Variants in CRY2 observed in about 807,000 individuals in gnomAD.
CRY2 encodes cryptochrome-2.
Under a neutral mutation model 69.5 loss-of-function variants are expected in CRY2, and 31 were observed. The ratio of observed to expected loss-of-function variants is 0.45; its 90% CI spans 0.34 to 0.60. The LOEUF is 0.60. Ranked by LOEUF, CRY2 falls within the 20% of genes least tolerant of loss-of-function variation. CRY2 has a pLI of 0.02. For missense variants in CRY2, 606 were observed against 797.8 expected (o/e 0.76, Z 2.90); for synonymous variants, 303 against 312.2 (o/e 0.97, Z 0.31).
chr11:45,863,353 A>G (rs1399927568), intron 5 of CRY2, among the ~76,000 whole-genome samples: 2 of 152,078 alleles, frequency 1.3e-5, no homozygotes, highest in Admixed American at 1.3e-4. Flanking sequence ...GCTGGAGAAC[A>G]TTTTGTAGAA....
Position 45,882,564 on chromosome 11 carries a change from C to G in CRY2, c.*1653C>G, listed in dbSNP as rs906251783. 1.8e-5 allele frequency: 7 copies of G among 398,914 alleles called. No individual in the cohort carries two copies. The highest frequency in any genetic ancestry group is 2.7e-5 in the Non-Finnish European group (6 of 226,094). 24.7% of individuals were successfully genotyped at this position (398,914 alleles called of 1,614,324 possible). On this transcript the variant is annotated 3_prime_UTR_variant, in exon 12 of 12. Transcript: ENST00000616080. The stretch of plus-strand genomic sequence containing the variant: ...CAGGTTTTCTCAGCCAGAGAGCTGC[C>G]TTTAGAGTCCAACTGTTGTACGTAT...
At chr11:45,871,090 TAAC>T (rs1348814266) in intron 10 of CRY2, among the ~76,000 whole-genome samples, 156 bp downstream of exon 10, 2 of 152,324 alleles carry the variant, frequency 1.3e-5, no homozygotes, top group African/African-American at 4.8e-5. Flanking sequence ...TCATTTCAGA[TAAC>T]AAGTGCTTTG....
rs2086485527 is a variant in CRY2, at chr11:45,882,711, G to GAATC, written c.*1801_*1804dup. On this transcript the variant is annotated 3_prime_UTR_variant, in exon 12 of 12. Transcript: ENST00000616080. ...CCTCAGCCCCAGTCGAGAGGAAAGA[G>GAATC]AATCGGGCCACTGCCAGAAAGAGAG... 1 of 398,796 alleles carries GAATC rather than the reference G, an allele frequency of 2.5e-6. No homozygotes were observed. Among genetic ancestry groups the GAATC allele is most frequent in the African/African-American group, 2.1e-5 (1 of 48,636 alleles). The allele number at this position is 398,796 out of a possible 1,614,324, so 24.7% of individuals were successfully genotyped here. A position where few individuals can be genotyped will look rare whatever the true frequency, so the allele number is the denominator to read the frequency against.
At chr11:45,866,373 C>G (rs974380011) in intron 5 of CRY2, among the ~76,000 whole-genome samples, 1 of 152,118 alleles carries the variant, frequency 6.6e-6, no homozygotes, top group Non-Finnish European at 1.5e-5. Flanking sequence ...TGGGTACCCA[C>G]ATTTAAGGGA....
At chr11:45,855,845 C>A in intron 1 of CRY2, 137 bp from the exon 2 acceptor site, 1 of 772,510 alleles carries the variant, frequency 1.3e-6, no homozygotes, top group Non-Finnish European at 2.3e-6. Context: ...TGGGCTGGAA[C>A]CCAGGCCTCT....
rs1351815224 is a variant in CRY2 at position 45,869,494 on chromosome 11, C to G, written c.883-12C>G. The G allele has an allele frequency of 6.3e-7, 1 of 1,596,164 alleles. No homozygotes were observed. Among genetic ancestry groups the G allele is most frequent in the African/African-American group, 1.3e-5 (1 of 74,706 alleles). On this transcript the variant is annotated splice_polypyrimidine_tract_variant and intron_variant, in intron 6 of 11. Coordinates refer to ENST00000616080, the MANE Select transcript of CRY2 (RefSeq NM_021117.5). ...CGAGTGTTTGTATCCATGTGCCACC[C>G]CTACCTCTCAGGTGAAGCGGAACAG...
intron 1 of CRY2, among the ~76,000 whole-genome samples, chr11:45,855,203 C>T (rs1040568762): frequency 7.0e-6 from 1 of 143,838 alleles, no homozygotes; most frequent in Non-Finnish European, 1.5e-5. Flanking sequence ...TGAGAAGTAC[C>T]TTTTAAGGCC....
Position 45,856,057 on chromosome 11 carries a change from A to G in CRY2, c.291A>G (p.Gly97=), listed in dbSNP as rs2086236381. The part of the protein sequence containing the change: ...KLNSRLFVVR[G]QPADVFPRLF... ...ACTCCCGCCTGTTTGTAGTCCGGGG[A>G]CAGCCAGCCGACGTGTTCCCAAGGC... Residue 97 remains glycine, a synonymous_variant, in exon 2 of 12, where the codon GGA becomes GGG. Transcript: ENST00000616080. The G allele has an allele frequency of 6.2e-7, 1 of 1,614,192 alleles. No homozygotes were observed.
chr11:45,853,166 C>T (rs943869462), intron 1 of CRY2, among the ~76,000 whole-genome samples: 1 of 152,168 alleles, frequency 6.6e-6, no homozygotes, highest in African/African-American at 2.4e-5. Context: ...GCCTCAGTTC[C>T]CTCATCTATA....
chr11:45,850,953 A>C (rs1276213992), intron 1 of CRY2, among the ~76,000 whole-genome samples: 2 of 152,186 alleles, frequency 1.3e-5, no homozygotes, highest in African/African-American at 4.8e-5. Flanking sequence ...GATTAGCAAG[A>C]AGAAGCCTAG....
intron 11 of CRY2, among the ~76,000 whole-genome samples, chr11:45,876,672 C>T (rs1189566330): frequency 1.3e-5 from 2 of 152,228 alleles, no homozygotes; most frequent in Non-Finnish European, 1.5e-5. Flanking sequence ...TCCCCTCCCC[C>T]GCGGGCTTTT....
At chr11:45,880,712 C>G (rs1437979310) in intron 11 of CRY2, among the ~76,000 whole-genome samples, 2 of 152,200 alleles carry the variant, frequency 1.3e-5, no homozygotes, top group African/African-American at 4.8e-5. Context: ...GCATCAGCAC[C>G]TCAGAGGGGC....
chr11:45,867,863 C>T, intron 6 of CRY2, 111 bp downstream of exon 6: 2 of 1,388,268 alleles, frequency 1.4e-6, no homozygotes, highest in Admixed American at 3.9e-5. Flanking sequence ...GCTATGGCCC[C>T]TGGAAGGGCC....
At chr11:45,862,325 G>A (rs537435348) in intron 5 of CRY2, among the ~76,000 whole-genome samples, 177 bp downstream of exon 5, 19 of 152,320 alleles carry the variant, frequency 1.2e-4, no homozygotes, top group African/African-American at 3.4e-4. Context: ...ACCATTTAGA[G>A]AGTACTTACC....
chr11:45,878,359 CA>C (rs1265184595), intron 11 of CRY2, among the ~76,000 whole-genome samples: 3 of 151,846 alleles, frequency 2.0e-5, no homozygotes, highest in African/African-American at 7.3e-5. Flanking sequence ...AAAACACACA[CA>C]AAAAAAATGG....
At chr11:45,856,640 CA>C (rs1426151187) in intron 2 of CRY2, among the ~76,000 whole-genome samples, 21 of 152,068 alleles carry the variant, frequency 1.4e-4, no homozygotes, top group Non-Finnish European at 2.5e-4. Context: ...ACTAAAAATA[CA>C]AAAAATTAGC....
chr11:45,878,799 A>C (rs556997673), intron 11 of CRY2, among the ~76,000 whole-genome samples: 38 of 150,856 alleles, frequency 2.5e-4, no homozygotes, highest in African/African-American at 9.3e-4. Flanking sequence ...GGTGTCTGTA[A>C]TCCCAGCCAC....
intron 4 of CRY2, 175 bp downstream of exon 4, chr11:45,861,207 T>C: frequency 1.5e-6 from 1 of 651,784 alleles, no homozygotes; most frequent in Non-Finnish European, 2.6e-6. Flanking sequence ...AATTTTAAAC[T>C]GTGTCCTTCT....
rs1350306975 is a variant in CRY2, at chr11:45,848,594, AGAT to A, written c.215+892_215+894del. 3.3e-5 allele frequency among the ~76,000 whole-genome samples: 5 copies of A among 152,218 alleles called. No homozygotes were observed. The East Asian group carries it at 9.6e-4, about 29-fold the overall frequency. On this transcript the variant is annotated intron_variant, in intron 1 of 11. Coordinates refer to ENST00000616080, the MANE Select transcript of CRY2 (RefSeq NM_021117.5). ...ATGGAGTCGACATGATCATGGAAAA[AGAT>A]GAACAGGTCGTTAGTGTATTTTCAC...
Sources: allele counts gnomAD v4.1 joint callset (sites outside exome capture counted in the v4.1 genomes callset), GRCh38; gene constraint gnomAD v4.1.1; transcripts MANE v1.5; gene names NCBI Gene and HGNC (gene_info 2026-07-23, HGNC 2026-07-21).